The following LSM1 variants were observed in gnomAD, a reference collection of about 807,000 sequenced individuals.
The protein encoded by LSM1 is U6 snRNA-associated Sm-like protein LSm1.
In LSM1, 13 loss-of-function variants were observed where a neutral mutation model predicts 18.0. The ratio of observed to expected loss-of-function variants is 0.72; its 90% CI spans 0.47 to 1.15. The LOEUF (loss-of-function observed/expected upper bound fraction) is 1.15, where lower values mean the gene tolerates loss of function less well. LSM1 is among the 50% of genes most tolerant of loss of function. The pLI is 0.00. For synonymous variants in LSM1, 46 were observed against 56.0 expected (o/e 0.82, Z 0.80); for missense variants, 152 against 157.7 (o/e 0.96, Z 0.19).
intron 1 of LSM1, among the ~76,000 whole-genome samples, chr8:38,173,130 G>A (rs1484346633): frequency 7.2e-5 from 11 of 152,108 alleles, no homozygotes; most frequent in Admixed American, 4.6e-4. Flanking sequence ...AGTTACTAGC[G>A]CACCCAGCAA....
chr8:38,171,768 C>T (rs1005662965), intron 2 of LSM1, among the ~76,000 whole-genome samples, 197 bp downstream of exon 2: 5 of 152,184 alleles, frequency 3.3e-5, no homozygotes, highest in South Asian at 2.1e-4. Context: ...GTTTTAGAAA[C>T]GAGCTTGGAA....
chr8:38,176,185 G>T, intron 1 of LSM1, 90 bp downstream of exon 1: 3 of 1,103,372 alleles, frequency 2.7e-6, no homozygotes, highest in South Asian at 1.3e-5. Flanking sequence ...CCCCGCCCGG[G>T]ACTCATTCTA....
chr8:38,175,019 C>G (rs1803098904), intron 1 of LSM1, among the ~76,000 whole-genome samples: 1 of 112,626 alleles, frequency 8.9e-6, no homozygotes, highest in Non-Finnish European at 1.8e-5. Flanking sequence ...GAGCAAGACT[C>G]TGTCTCAAAA....
At chr8:38,176,557 G>A (rs1803151871), upstream of LSM1, 1 of 579,192 alleles carries the variant, frequency 1.7e-6, no homozygotes, top group African/African-American at 1.9e-5. Context: ...CCGTACCGTT[G>A]GGGGACACCC....
At chr8:38,173,424 T>C (rs1475447130) in intron 1 of LSM1, among the ~76,000 whole-genome samples, 2 of 152,004 alleles carry the variant, frequency 1.3e-5, no homozygotes, top group Non-Finnish European at 2.9e-5. Flanking sequence ...AAAAAAGGGC[T>C]ATACATCCAT....
chr8:38,167,258 A>C (rs762695542), intron 3 of LSM1, among the ~76,000 whole-genome samples: 2 of 152,236 alleles, frequency 1.3e-5, no homozygotes, highest in Non-Finnish European at 2.9e-5. Flanking sequence ...ACAAACACAC[A>C]CATCTACTTA....
intron 1 of LSM1, among the ~76,000 whole-genome samples, chr8:38,173,900 A>G (rs1472946640): frequency 6.6e-6 from 1 of 152,216 alleles, no homozygotes; most frequent in African/African-American, 2.4e-5. Flanking sequence ...ATGTAATCCA[A>G]GTGACCATCT....
Position 38,163,826 on chromosome 8 carries a change from CTCCTTT to C in LSM1, c.240_245del (p.Lys81_Glu82del), listed in dbSNP as rs1364301756. On this transcript the variant is annotated inframe_deletion, in exon 4 of 4. Transcript: ENST00000311351. ...ATACTTGCTGGAGGGGTGTGTCACT[CTCCTTT>C]TCCAAGTCCTACAAAAGAGACAGGT... 1.2e-6 allele frequency: 2 copies of C among 1,613,968 alleles called. No individual in the cohort carries two copies. The highest frequency in any genetic ancestry group is 1.3e-5 in the African/African-American group (1 of 74,916).
rs1425252316 is a variant in LSM1, at chr8:38,176,338, C to T, written c.-18G>A. On this transcript the variant is annotated 5_prime_UTR_variant, in exon 1 of 4. Coordinates refer to ENST00000311351, the MANE Select transcript of LSM1 (RefSeq NM_014462.3). ...TAGTTCATTTTGAACTGAAATAATG[C>T]TGCAATGCACAGCGGCGGGAGGCCA... is the stretch of plus-strand genomic sequence containing the variant. 6.2e-7 allele frequency: 1 copy of T among 1,607,452 alleles called. No individual in the cohort carries two copies. Among genetic ancestry groups the T allele is most frequent in the Non-Finnish European group, 8.5e-7 (1 of 1,176,192 alleles).
At chr8:38,175,040 AAAAAG>A (rs1428160579) in intron 1 of LSM1, among the ~76,000 whole-genome samples, 31 of 147,642 alleles carry the variant, frequency 2.1e-4, no homozygotes, top group African/African-American at 3.3e-4. Flanking sequence ...AAAAAAAAAA[AAAAAG>A]AAAAGAAAAG....
chr8:38,164,665 A>AAAAACAAAACAAAAC lies in LSM1; in HGVS notation c.232-826_232-825insGTTTTGTTTTGTTTT, dbSNP rs140846565. On this transcript the variant is annotated intron_variant, in intron 3 of 3. Coordinates refer to ENST00000311351, the MANE Select transcript of LSM1 (RefSeq NM_014462.3). ...AGTGAGACCCTAACTAACTCCACCA[A>AAAAACAAAACAAAAC]AAAACAAAACAAAAAAAAGCTGGTG... Among the ~76,000 whole-genome samples, 12 of 150,978 alleles carry AAAAACAAAACAAAAC rather than the reference A, an allele frequency of 7.9e-5. No individual in the cohort carries two copies. In the East Asian group the frequency reaches 2.4e-3, roughly 30 times the overall value.
At chr8:38,167,456 C>T (rs1248201886) in intron 3 of LSM1, among the ~76,000 whole-genome samples, 1 of 152,176 alleles carries the variant, frequency 6.6e-6, no homozygotes, top group Non-Finnish European at 1.5e-5. Context: ...GAATCTCCCA[C>T]CTCAGCCTCC....
At chr8:38,173,757 T>C (rs989145763) in intron 1 of LSM1, among the ~76,000 whole-genome samples, 7 of 152,202 alleles carry the variant, frequency 4.6e-5, no homozygotes, top group Admixed American at 1.3e-4. Flanking sequence ...CACACGCAGA[T>C]AGTTGGAAAC....
intron 3 of LSM1, among the ~76,000 whole-genome samples, chr8:38,167,918 T>C (rs1354622830): frequency 2.0e-5 from 3 of 150,990 alleles, no homozygotes; most frequent in Non-Finnish European, 2.9e-5. Context: ...TACTTTACAG[T>C]CATGTAGTGT....
In LSM1 at chr8:38,163,530, G is replaced by T. The variant is rs2130635206; in HGVS notation, c.*140C>A. ...CCCACCTACACGATTTCTTCATGTT[G>T]CATATGTAAAATAATTAAAAATAAA... is the stretch of plus-strand genomic sequence containing the variant. On this transcript the variant is annotated 3_prime_UTR_variant, in exon 4 of 4. Coordinates refer to ENST00000311351, the MANE Select transcript of LSM1 (RefSeq NM_014462.3). 3 of 676,840 alleles carry T rather than the reference G, an allele frequency of 4.4e-6. No homozygotes were observed. Among genetic ancestry groups the T allele is most frequent in the East Asian group, 2.8e-5 (1 of 36,206 alleles). The allele number at this position is 676,840 out of a possible 1,614,324, so 41.9% of individuals were successfully genotyped here.
intron 1 of LSM1, among the ~76,000 whole-genome samples, chr8:38,173,235 C>A (rs919728458): frequency 2.6e-5 from 4 of 152,016 alleles, no homozygotes; most frequent in African/African-American, 7.3e-5. Flanking sequence ...CTCTTCCTTG[C>A]GCTATAAATA....
In LSM1 at chr8:38,176,109, C is replaced by G. The variant is rs528926788; in HGVS notation, c.46+166G>C. ...AGCAGCAGGCTACTGGGTGGGCAAG[C>G]GGTGTGTACCGCAGCTGTGGAGGAC... On this transcript the variant is annotated intron_variant, in intron 1 of 3. Transcript: ENST00000311351. 1.3e-5 allele frequency: 7 copies of G among 540,496 alleles called. No homozygotes were observed. The East Asian group carries it at 1.6e-4, about 12-fold the overall frequency. The allele number at this position is 540,496 out of a possible 1,614,324, so 33.5% of individuals were successfully genotyped here. A position where few individuals can be genotyped will look rare whatever the true frequency, so the allele number is the denominator to read the frequency against.
intron 1 of LSM1, among the ~76,000 whole-genome samples, chr8:38,173,731 G>C (rs1220360887): frequency 6.6e-6 from 1 of 152,114 alleles, no homozygotes. Flanking sequence ...AGTGCTATCA[G>C]GACACTTAAT....
At chr8:38,173,377 G>C (rs1055979944) in intron 1 of LSM1, among the ~76,000 whole-genome samples, 2 of 147,452 alleles carry the variant, frequency 1.4e-5, no homozygotes, top group African/African-American at 5.2e-5. Flanking sequence ...GGAAGGGGGC[G>C]GGGGGGGAGA....
Sources: gnomAD v4.1 joint callset for allele counts (sites outside exome capture counted in the v4.1 genomes callset) on GRCh38, gnomAD v4.1.1 for gene constraint, MANE v1.5 for transcripts, NCBI Gene and HGNC (gene_info 2026-07-23, HGNC 2026-07-21) for gene names.